The following NXPE2 variants were observed in gnomAD, a reference collection of about 807,000 sequenced individuals.
NXPE2 encodes neurexophilin and PC-esterase domain family member 2, also known as NXPE family member 2.
In NXPE2, 34 loss-of-function variants were observed where a neutral mutation model predicts 34.4. The ratio of observed to expected loss-of-function variants is 0.99; its 90% CI spans 0.75 to 1.31. NXPE2 has a LOEUF of 1.31. NXPE2 is among the 40% of genes most tolerant of loss of function. NXPE2 has a pLI of 0.00. For missense variants in NXPE2, 649 were observed against 672.5 expected, an observed-to-expected ratio of 0.97 and a Z score of 0.39; for synonymous variants, 235 against 231.3, an observed-to-expected ratio of 1.02 and a Z score of -0.15.
the NXPE2 span, among the ~76,000 whole-genome samples, chr11:114,560,165 G>C: frequency 1.1e-4 from 17 of 152,236 alleles, no homozygotes; most frequent in Middle Eastern, 3.4e-3. Context: ...TCTATGGATA[G>C]GCTTTCCTCA....
chr11:114,595,339 T>C, the NXPE2 span, among the ~76,000 whole-genome samples: 8 of 152,192 alleles, frequency 5.3e-5, no homozygotes, highest in African/African-American at 1.9e-4. Context: ...TCAGTATTTT[T>C]CCATGATTCA....
the NXPE2 span, chr11:114,582,530 G>A: frequency 6.2e-7 from 1 of 1,614,152 alleles, no homozygotes; most frequent in South Asian, 1.1e-5. Flanking sequence ...CATAGCCTTG[G>A]TTCCTTGCAC....
chr11:114,571,974 A>G, the NXPE2 span, among the ~76,000 whole-genome samples: 1 of 152,116 alleles, frequency 6.6e-6, no homozygotes, highest in East Asian at 1.9e-4. Flanking sequence ...CAAAAACACA[A>G]CCAAAGACCC....
the NXPE2 span, among the ~76,000 whole-genome samples, chr11:114,483,209 T>G: frequency 6.6e-6 from 1 of 152,228 alleles, no homozygotes; most frequent in African/African-American, 2.4e-5. Flanking sequence ...CTGACATATT[T>G]GAGCCAGACT....
the NXPE2 span, among the ~76,000 whole-genome samples, chr11:114,648,669 T>G: frequency 4.9e-4 from 74 of 152,312 alleles, no homozygotes; most frequent in Non-Finnish European, 8.2e-4. Context: ...TAAGTCATAC[T>G]TAATCTCCAA....
chr11:114,698,725 T>C lies in NXPE2; in HGVS notation c.813T>C (p.Thr271=). The change falls in exon 3 of 6, where the codon ACT becomes ACC. Residue 271 remains threonine, a synonymous_variant. Transcript: ENST00000389586. ...MPCEALTHMT[T]RTRNISYLSK... is the part of the protein sequence containing the mutation. ...GTGAGGCCTTGACCCACATGACCACTAGGACAAGAAATATTTCCTATCTTA... is the reference window on the plus strand; with the variant it reads ...GTGAGGCCTTGACCCACATGACCACCAGGACAAGAAATATTTCCTATCTTA... 3.1e-6 allele frequency: 5 copies of C among 1,609,576 alleles called. No individual in the cohort carries two copies. Among genetic ancestry groups the C allele is most frequent in the Non-Finnish European group, 4.2e-6 (5 of 1,178,108 alleles).
the NXPE2 span, among the ~76,000 whole-genome samples, chr11:114,728,860 C>A: frequency 6.6e-6 from 1 of 151,978 alleles, no homozygotes; most frequent in Non-Finnish European, 1.5e-5. Flanking sequence ...CAATAAAGAA[C>A]CCAGAAACAG....
the NXPE2 span, among the ~76,000 whole-genome samples, chr11:114,658,675 T>C: frequency 6.6e-6 from 1 of 152,104 alleles, no homozygotes; most frequent in Non-Finnish European, 1.5e-5. Flanking sequence ...GTGAACTTCT[T>C]GAGGAAGGGC....
At chr11:114,812,100 T>A in the NXPE2 span, among the ~76,000 whole-genome samples, 1 of 152,224 alleles carries the variant, frequency 6.6e-6, no homozygotes, top group Non-Finnish European at 1.5e-5. Context: ...AGCAAATTGA[T>A]TTTTAATCAC....
chr11:114,552,916 A>G, the NXPE2 span: 1 of 913,398 alleles, frequency 1.1e-6, no homozygotes, highest in Non-Finnish European at 1.3e-6. Flanking sequence ...TTAATGAAAT[A>G]AACATTTATG....
At chr11:114,639,338 G>A in the NXPE2 span, among the ~76,000 whole-genome samples, 1 of 152,008 alleles carries the variant, frequency 6.6e-6, no homozygotes, top group Non-Finnish European at 1.5e-5. Context: ...GTATTAGGGT[G>A]GGAGTGACCC....
the NXPE2 span, among the ~76,000 whole-genome samples, chr11:114,511,896 A>G: frequency 7.7e-6 from 1 of 129,790 alleles, no homozygotes; most frequent in Admixed American, 7.5e-5. Flanking sequence ...CTGAGGCCTC[A>G]TCAGAAGCAG....
the NXPE2 span, chr11:114,581,705 C>G: frequency 6.2e-7 from 1 of 1,600,584 alleles, no homozygotes; most frequent in Admixed American, 1.7e-5. Context: ...GCACCACCCA[C>G]CAAACACAGG....
the NXPE2 span, among the ~76,000 whole-genome samples, chr11:114,520,494 A>G: frequency 6.6e-6 from 1 of 152,168 alleles, no homozygotes; most frequent in South Asian, 2.1e-4. Context: ...ATATACTGCA[A>G]ATTATTTATC....
At chr11:114,582,715 C>T in the NXPE2 span, 202 of 1,614,130 alleles carry the variant, frequency 1.3e-4, 4 homozygotes, top group Middle Eastern at 9.9e-4. Context: ...AGGAAATCCC[C>T]GCCATATTGC....
the NXPE2 span, among the ~76,000 whole-genome samples, chr11:114,731,637 G>A: frequency 6.6e-6 from 1 of 152,160 alleles, no homozygotes; most frequent in Non-Finnish European, 1.5e-5. Context: ...TTTACATACT[G>A]TATTGTTTAA....
At chr11:114,561,783 C>T in the NXPE2 span, among the ~76,000 whole-genome samples, 1 of 152,086 alleles carries the variant, frequency 6.6e-6, no homozygotes, top group Non-Finnish European at 1.5e-5. Flanking sequence ...TCATGTTTGG[C>T]GCTTTTAATG....
At chr11:114,520,777 G>C in the NXPE2 span, among the ~76,000 whole-genome samples, 1 of 151,986 alleles carries the variant, frequency 6.6e-6, no homozygotes, top group Non-Finnish European at 1.5e-5. Context: ...CTCATTTTTA[G>C]CAGGCACCTA....
the NXPE2 span, among the ~76,000 whole-genome samples, chr11:114,738,356 G>A: frequency 1.1e-4 from 16 of 152,182 alleles, no homozygotes; most frequent in Non-Finnish European, 1.9e-4. Flanking sequence ...AGCCACCAGA[G>A]TCCTACCACT....
Sources: gnomAD v4.1 joint callset for allele counts (sites outside exome capture counted in the v4.1 genomes callset) on GRCh38, gnomAD v4.1.1 for gene constraint, MANE v1.5 for transcripts, NCBI Gene and HGNC (gene_info 2026-07-23, HGNC 2026-07-21) for gene names.